Variants in PDE1A observed in about 807,000 individuals in gnomAD.
PDE1A encodes dual specificity calcium/calmodulin-dependent 3',5'-cyclic nucleotide phosphodiesterase 1A.
PDE1A carries 35 observed loss-of-function variants against 61.7 expected under a neutral mutation model. That is an observed-to-expected ratio of 0.57 (90% confidence interval 0.43 to 0.75). The LOEUF (loss-of-function observed/expected upper bound fraction) is 0.75, where lower values mean the gene tolerates loss of function less well. PDE1A is among the 30% of genes least tolerant of loss of function. PDE1A has a pLI of 0.00. For missense variants in PDE1A, 597 were observed against 630.6 expected, an observed-to-expected ratio of 0.95 and a Z score of 0.57; for synonymous variants, 232 against 213.2, an observed-to-expected ratio of 1.09 and a Z score of -0.77.
At chr2:182,420,690 CACTAA>C (rs1703221194) in intron 1 of PDE1A, among the ~76,000 whole-genome samples, 1 of 152,128 alleles carries the variant, frequency 6.6e-6, no homozygotes, top group African/African-American at 2.4e-5. Flanking sequence ...GACACCAAAA[CACTAA>C]ACGTGGATAC....
intron 1 of PDE1A, among the ~76,000 whole-genome samples, chr2:182,387,004 G>A (rs1371691147): frequency 6.6e-6 from 1 of 152,248 alleles, no homozygotes; most frequent in Admixed American, 6.5e-5. Context: ...AAAAGATAGA[G>A]AGATCGGATT....
At chr2:182,415,144 A>G (rs965290945) in intron 1 of PDE1A, among the ~76,000 whole-genome samples, 1 of 152,168 alleles carries the variant, frequency 6.6e-6, no homozygotes, top group East Asian at 1.9e-4. Context: ...ATTGCCTTCA[A>G]TAAAGACTTT....
the PDE1A span, among the ~76,000 whole-genome samples, chr2:182,711,105 G>A: frequency 6.6e-6 from 1 of 152,204 alleles, no homozygotes; most frequent in Non-Finnish European, 1.5e-5. Context: ...ATATAAGGCA[G>A]TGAGGGTGAG....
At chr2:182,632,707 A>G in the PDE1A span, among the ~76,000 whole-genome samples, 1 of 152,214 alleles carries the variant, frequency 6.6e-6, no homozygotes, top group African/African-American at 2.4e-5. Flanking sequence ...ACTACACCAT[A>G]GAATTGTTTA....
intron 2 of PDE1A, among the ~76,000 whole-genome samples, chr2:182,512,289 G>A (rs1689850313): frequency 6.6e-6 from 1 of 152,104 alleles, no homozygotes; most frequent in African/African-American, 2.4e-5. Flanking sequence ...CAAAGTCATG[G>A]GCCTGGTCCC....
At chr2:182,193,423 C>G (rs1309660164) in intron 10 of PDE1A, among the ~76,000 whole-genome samples, 1 of 152,064 alleles carries the variant, frequency 6.6e-6, no homozygotes, top group Non-Finnish European at 1.5e-5. Context: ...CCCCTGACCA[C>G]AGGGACAGGG....
At chr2:182,276,316 G>A (rs113689561) in intron 1 of PDE1A, among the ~76,000 whole-genome samples, 7 of 152,010 alleles carry the variant, frequency 4.6e-5, no homozygotes, top group African/African-American at 9.7e-5. Context: ...CTGGAGCCGC[G>A]GCAGAGGAAC....
chr2:182,469,104 C>T (rs541216198), intron 2 of PDE1A, among the ~76,000 whole-genome samples: 1 of 151,994 alleles, frequency 6.6e-6, no homozygotes, highest in African/African-American at 2.4e-5. Context: ...TTAAAGTCAC[C>T]ACCTTCATCA....
intron 1 of PDE1A, among the ~76,000 whole-genome samples, chr2:182,359,186 A>C (rs1699363856): frequency 6.6e-6 from 1 of 152,146 alleles, no homozygotes; most frequent in Non-Finnish European, 1.5e-5. Flanking sequence ...AATAAATCTA[A>C]GTTAACTTTA....
the PDE1A span, among the ~76,000 whole-genome samples, chr2:182,702,072 T>C: frequency 6.6e-6 from 1 of 152,228 alleles, no homozygotes; most frequent in Non-Finnish European, 1.5e-5. Context: ...TTAGCATGCA[T>C]AAACAGTAAT....
chr2:182,594,718 T>C, the PDE1A span, among the ~76,000 whole-genome samples: 1 of 152,236 alleles, frequency 6.6e-6, no homozygotes, highest in Non-Finnish European at 1.5e-5. Context: ...TGACCTATAA[T>C]ATGTAACAGC....
intron 1 of PDE1A, among the ~76,000 whole-genome samples, chr2:182,405,942 A>G (rs1702273596): frequency 6.6e-6 from 1 of 152,022 alleles, no homozygotes; most frequent in African/African-American, 2.4e-5. Flanking sequence ...TATTACTAAT[A>G]AAAAGAATAA....
At chr2:182,368,082 C>T (rs1323333473) in intron 1 of PDE1A, among the ~76,000 whole-genome samples, 1 of 152,138 alleles carries the variant, frequency 6.6e-6, no homozygotes, top group East Asian at 1.9e-4. Context: ...AATCTTTTCT[C>T]ATCTATCTCC....
At chr2:182,309,952 A>T (rs1695856529) in intron 1 of PDE1A, among the ~76,000 whole-genome samples, 1 of 152,114 alleles carries the variant, frequency 6.6e-6, no homozygotes, top group South Asian at 2.1e-4. Flanking sequence ...CCAATGCAAT[A>T]AAAAACATCA....
chr2:182,229,716 G>A (rs949805618), intron 6 of PDE1A, among the ~76,000 whole-genome samples: 1 of 151,220 alleles, frequency 6.6e-6, no homozygotes, highest in Non-Finnish European at 1.5e-5. Flanking sequence ...ACTTTTTTTG[G>A]TTGACTCCTG....
exon 3 of PDE1A, chr2:182,240,126 C>T: frequency 1.2e-6 from 2 of 1,611,680 alleles, no homozygotes; most frequent in Non-Finnish European, 1.7e-6. Context: ...ACAAAAATTC[C>T]AGCTTGAACA....
At chr2:182,662,823 G>T in the PDE1A span, among the ~76,000 whole-genome samples, 22 of 152,214 alleles carry the variant, frequency 1.4e-4, no homozygotes, top group Middle Eastern at 3.4e-3. Context: ...AGCAAAAATT[G>T]ACAAATAGGA....
downstream of PDE1A, among the ~76,000 whole-genome samples, chr2:182,146,866 GA>G (rs375517162): frequency 1.1e-3 from 172 of 152,176 alleles, 1 homozygote; most frequent in African/African-American, 4.0e-3. Flanking sequence ...AGAACTATTT[GA>G]AAAGGTAAAT....
At chr2:182,191,490 T>G (rs931021065) in intron 10 of PDE1A, among the ~76,000 whole-genome samples, 1 of 152,164 alleles carries the variant, frequency 6.6e-6, no homozygotes, top group African/African-American at 2.4e-5. Context: ...TAACATATGC[T>G]GATACAACTG....
Sources: allele counts gnomAD v4.1 joint callset (sites outside exome capture counted in the v4.1 genomes callset), GRCh38; gene constraint gnomAD v4.1.1; transcripts MANE v1.5; gene names NCBI Gene and HGNC (gene_info 2026-07-23, HGNC 2026-07-21).